The following MYO18B variants were observed in gnomAD, a reference collection of about 807,000 sequenced individuals.
MYO18B encodes the protein myosin XVIIIB.
In MYO18B, 204 loss-of-function variants were observed where a neutral mutation model predicts 273.0. The ratio of observed to expected loss-of-function variants is 0.75; its 90% CI spans 0.67 to 0.84. The LOEUF is 0.84. MYO18B is among the 40% of genes least tolerant of loss of function. MYO18B has a pLI of 0.00. For synonymous variants in MYO18B, 1,330 were observed against 1,305.7 expected, an observed-to-expected ratio of 1.02 and a Z score of -0.40; for missense variants, 3,212 against 3,287.6, an observed-to-expected ratio of 0.98 and a Z score of 0.56.
intron 36 of MYO18B, among the ~76,000 whole-genome samples, chr22:25,948,527 T>TCTTC (rs562796748): frequency 0.18 from 20,354 of 110,448 alleles, 3,270 homozygotes; most frequent in East Asian, 0.61. Flanking sequence ...CTTCTTTCTT[T>TCTTC]CTTCCTTCCT....
intron 7 of MYO18B, among the ~76,000 whole-genome samples, chr22:25,773,202 T>G (rs2086788435): frequency 6.6e-6 from 1 of 152,068 alleles, no homozygotes; most frequent in Admixed American, 6.5e-5. Context: ...CCATAGTGAT[T>G]GAGCTATTGA....
At chr22:25,976,198 A>T (rs527990760) in intron 39 of MYO18B, among the ~76,000 whole-genome samples, 1 of 152,204 alleles carries the variant, frequency 6.6e-6, no homozygotes, top group Non-Finnish European at 1.5e-5. Context: ...AAGCACTCAC[A>T]AAGAATTATC....
At chr22:25,939,928 T>G (rs574827696) in intron 34 of MYO18B, among the ~76,000 whole-genome samples, 1 of 152,332 alleles carries the variant, frequency 6.6e-6, no homozygotes, top group South Asian at 2.1e-4. Flanking sequence ...TTGTTGACCC[T>G]ACCTCGGAGT....
chr22:25,849,378 G>A (rs1184053304), intron 20 of MYO18B, among the ~76,000 whole-genome samples: 1 of 152,012 alleles, frequency 6.6e-6, no homozygotes, highest in Non-Finnish European at 1.5e-5. Flanking sequence ...TATTTCTATT[G>A]TAAGTCATGT....
At chr22:25,918,214 A>G (rs557247656) in intron 33 of MYO18B, among the ~76,000 whole-genome samples, 1 of 152,266 alleles carries the variant, frequency 6.6e-6, no homozygotes, top group Admixed American at 6.5e-5. Context: ...TTCTGTCTCC[A>G]AGCCTCAATT....
At chr22:25,800,191 G>A (rs1461006053) in intron 12 of MYO18B, among the ~76,000 whole-genome samples, 2 of 151,984 alleles carry the variant, frequency 1.3e-5, no homozygotes. Flanking sequence ...GGAGGGGGAG[G>A]TTAAGAGGGG....
rs140220989 is a variant in MYO18B, at chr22:25,811,585, G to A, written c.2522-11920G>A. Among the ~76,000 whole-genome samples the A allele has an allele frequency of 1.4e-3, 206 of 152,254 alleles. 1 individual carries two copies. The highest frequency in any genetic ancestry group is 4.8e-3 in the African/African-American group (198 of 41,556). ...TAAGTGGTTGGTTATTGCTTTTTAT[G>A]CCAGTGGGTTCACACCACCTTTGTT... is the stretch of plus-strand genomic sequence containing the variant. On this transcript the variant is annotated intron_variant, in intron 12 of 43. Coordinates refer to ENST00000335473, the MANE Select transcript of MYO18B (RefSeq NM_032608.7).
At chr22:25,762,863 C>G (rs1187951060) in intron 2 of MYO18B, among the ~76,000 whole-genome samples, 1 of 152,244 alleles carries the variant, frequency 6.6e-6, no homozygotes, top group Non-Finnish European at 1.5e-5. Context: ...CCATCCCCTT[C>G]TGGAAACTGG....
In MYO18B at chr22:25,808,582, C is replaced by T. The variant is rs374745042; in HGVS notation, c.2521+10485C>T. On this transcript the variant is annotated intron_variant, in intron 12 of 43. Transcript: ENST00000335473. ...GGATCTCCACCCTCTCTCCTGAGAGCGCCTCCTCAGCTCCATCTAATCTCC... is the reference window on the plus strand; with the variant it reads ...GGATCTCCACCCTCTCTCCTGAGAGTGCCTCCTCAGCTCCATCTAATCTCC... Among the ~76,000 whole-genome samples, 211 of 152,252 alleles carry T rather than the reference C, an allele frequency of 1.4e-3. 9 individuals are homozygous for T. In the South Asian group the frequency reaches 0.042, roughly 31 times the overall value.
At chr22:25,864,532 G>T (rs2090831834) in intron 21 of MYO18B, among the ~76,000 whole-genome samples, 1 of 152,278 alleles carries the variant, frequency 6.6e-6, no homozygotes, top group South Asian at 2.1e-4. Context: ...CTTGCTCAGG[G>T]TCACACAGCT....
intron 38 of MYO18B, among the ~76,000 whole-genome samples, chr22:25,953,771 G>A (rs1267717666): frequency 6.6e-6 from 1 of 152,214 alleles, no homozygotes; most frequent in Admixed American, 6.5e-5. Context: ...ATGAATGTGG[G>A]AAAACTTCAA....
In MYO18B at chr22:25,931,776, A is replaced by G. The variant is rs531789920; in HGVS notation, c.5517+10367A>G. Among the ~76,000 whole-genome samples the G allele has an allele frequency of 9.0e-5, 13 of 143,662 alleles. No individual in the cohort carries two copies. The South Asian group carries it at 2.4e-3, about 26-fold the overall frequency. 94.2% of individuals were successfully genotyped at this position (143,662 alleles called of 152,430 possible). On this transcript the variant is annotated intron_variant, in intron 34 of 43. Transcript: ENST00000335473. ...TGGCTCACTGCAGCCTCAACATTTC[A>G]GGCTCAAGCAATCCTCCCACCTCAG...
the MYO18B span, among the ~76,000 whole-genome samples, chr22:26,041,833 G>A: frequency 1.8e-4 from 28 of 152,252 alleles, no homozygotes; most frequent in African/African-American, 4.6e-4. Context: ...GGAGAAATGA[G>A]GGCCTGTTCT....
chr22:26,013,263 T>C (rs1340449101), intron 42 of MYO18B, among the ~76,000 whole-genome samples: 2 of 152,198 alleles, frequency 1.3e-5, no homozygotes, highest in Non-Finnish European at 2.9e-5. Flanking sequence ...CATTTTTGGC[T>C]GTCATGCTAC....
intron 33 of MYO18B, among the ~76,000 whole-genome samples, chr22:25,915,702 A>G (rs983085121): frequency 2.0e-5 from 3 of 152,234 alleles, no homozygotes; most frequent in Non-Finnish European, 2.9e-5. Flanking sequence ...CAATCTATCA[A>G]TGTAGTATAT....
intron 11 of MYO18B, among the ~76,000 whole-genome samples, chr22:25,785,980 G>T (rs749266661): frequency 6.6e-6 from 1 of 152,192 alleles, no homozygotes; most frequent in Non-Finnish European, 1.5e-5. Context: ...GGGGCACTCA[G>T]CGATGGTTTC....
chr22:26,051,931 A>G, the MYO18B span, among the ~76,000 whole-genome samples: 1 of 152,284 alleles, frequency 6.6e-6, no homozygotes, highest in Non-Finnish European at 1.5e-5. Flanking sequence ...CCACCGTAAT[A>G]TGCCATTGCA....
intron 12 of MYO18B, among the ~76,000 whole-genome samples, chr22:25,809,842 G>A (rs2088656424): frequency 6.6e-6 from 1 of 152,086 alleles, no homozygotes; most frequent in Non-Finnish European, 1.5e-5. Context: ...GATGGTCAGT[G>A]ATAGTAACAG....
At position 25,861,368 on chromosome 22, in the gene MYO18B, C is replaced by G. The variant is rs770358943; in HGVS notation, c.3886-6952C>G. On this transcript the variant is annotated intron_variant, in intron 21 of 43. Coordinates refer to ENST00000335473, the MANE Select transcript of MYO18B (RefSeq NM_032608.7). ...TGCCGTATCTTCTGGATGGATTAAC[C>G]CTTTGTTGCTATAAAATGTCTCCCT... Among the ~76,000 whole-genome samples, 3 of 152,010 alleles carry G rather than the reference C, an allele frequency of 2.0e-5. No individual in the cohort carries two copies. In the East Asian group the frequency reaches 5.8e-4, roughly 29 times the overall value.
Sources: allele counts gnomAD v4.1 joint callset (sites outside exome capture counted in the v4.1 genomes callset), GRCh38; gene constraint gnomAD v4.1.1; transcripts MANE v1.5; gene names NCBI Gene and HGNC (gene_info 2026-07-23, HGNC 2026-07-21).